MGAM: variants seen among roughly 807,000 people sequenced by gnomAD.
The protein encoded by MGAM is maltase-glucoamylase, also known as alpha-1,4-glucosidase.
In MGAM, 253 loss-of-function variants were observed where a neutral mutation model predicts 358.8. That is an observed-to-expected ratio of 0.71 (90% CI 0.64 to 0.78). The LOEUF (loss-of-function observed/expected upper bound fraction) is 0.78. Ranked by LOEUF, MGAM falls within the 30% of genes least tolerant of loss-of-function variation. The pLI is 0.00. For synonymous variants in MGAM, 1,105 were observed against 1,227.1 expected, an observed-to-expected ratio of 0.90 and a Z score of 2.08; for missense variants, 3,080 against 3,432.6, an observed-to-expected ratio of 0.90 and a Z score of 2.57.
In MGAM at chr7:142,022,386, G is replaced by A. The variant is rs782295291; in HGVS notation, c.829G>A (p.Asp277Asn). The A allele has an allele frequency of 6.2e-7, 1 of 1,613,608 alleles. No homozygotes were observed. Among genetic ancestry groups the A allele is most frequent in the Non-Finnish European group, 8.5e-7 (1 of 1,179,726 alleles). ...GEHVHQQYRH[D>N]MNWKTWPIFN... The stretch of plus-strand genomic sequence containing the variant: ...GCATGTGCACCAGCAGTATCGGCAT[G>A]ATATGAATTGGAAGACCTGGCCCAT... The change falls in exon 7 of 71, where the codon GAT becomes AAT. Residue 277 changes from aspartate to asparagine, a missense_variant. Asp to Asn is a conservative substitution (Grantham distance 23). This residue lies in a region of MGAM where 1,816 missense variants were observed against 1,840.5 expected (regional missense o/e 0.99). Transcript: ENST00000475668.
Position 142,064,515 on chromosome 7 carries a change from A to G in MGAM, c.4477A>G (p.Thr1493Ala). The G allele has an allele frequency of 6.4e-7, 1 of 1,573,504 alleles. No individual in the cohort carries two copies. The highest frequency in any genetic ancestry group is 1.9e-5 in the Admixed American group (1 of 53,718). Reference protein sequence around the residue: ...NLYGWSQTRPTYEAVQEVTGQ... With the variant: ...NLYGWSQTRPAYEAVQEVTGQ... ...GTATGGGTGGTCCCAGACCAGACCC[A>G]CATACGAGTGAGTCTCCGTCTCCCT... The change falls in exon 37 of 71, where the codon ACA (threonine) becomes GCA (alanine). Residue 1493 changes from threonine to alanine, a missense_variant. Physicochemically the swap from Thr to Ala is moderately conservative, Grantham distance 58. Coordinates refer to ENST00000475668, the MANE Select transcript of MGAM (RefSeq NM_001365693.1).
At chr7:142,062,952 A>G (rs1812364471) in intron 35 of MGAM, among the ~76,000 whole-genome samples, 1 of 152,182 alleles carries the variant, frequency 6.6e-6, no homozygotes, top group Non-Finnish European at 1.5e-5. Context: ...TAATCCCAGC[A>G]CTTTGGGAGG....
upstream of MGAM, among the ~76,000 whole-genome samples, chr7:141,993,396 C>T (rs1359971263): frequency 6.6e-6 from 1 of 152,192 alleles, no homozygotes; most frequent in African/African-American, 2.4e-5. Flanking sequence ...ATACAAGCTC[C>T]ATTTTTTAAT....
chr7:142,032,053 T>TA (rs1554464013), intron 13 of MGAM, among the ~76,000 whole-genome samples: 21 of 149,220 alleles, frequency 1.4e-4, no homozygotes, highest in African/African-American at 5.0e-4. Flanking sequence ...TTTTTTTTTT[T>TA]TACGAAGGAA....
Position 142,076,325 on chromosome 7 carries a change from A to G in MGAM, c.5325+73A>G, listed in dbSNP as rs1813728976. On this transcript the variant is annotated intron_variant, in intron 46 of 70. Transcript: ENST00000475668. ...CATTAGCACATCTGTGCTTGTGTATATGTGTGATTATATTTGTAACTTTAT... is the reference window on the plus strand; with the variant it reads ...CATTAGCACATCTGTGCTTGTGTATGTGTGTGATTATATTTGTAACTTTAT... 2.5e-5 allele frequency: 32 copies of G among 1,285,386 alleles called. 4 individuals carry two copies. The highest frequency in any genetic ancestry group is 3.0e-5 in the Non-Finnish European group (27 of 893,014). 79.6% of individuals were successfully genotyped at this position (1,285,386 alleles called of 1,614,324 possible).
In MGAM at chr7:142,045,185, AT is replaced by A. The variant is rs1563156589; in HGVS notation, c.2499-2599del. On this transcript the variant is annotated intron_variant, in intron 21 of 70. Transcript: ENST00000475668. ...ATAATATATATATTATATAACATAT[AT>A]GATATATAATATATATTATATAACA... is the stretch of plus-strand genomic sequence containing the variant. 5.4e-4 allele frequency among the ~76,000 whole-genome samples: 38 copies of A among 70,144 alleles called. 1 individual carries two copies. Among genetic ancestry groups the A allele is most frequent in the African/African-American group, 2.5e-3 (34 of 13,336 alleles). The allele number at this position is 70,144 out of a possible 152,430, so 46.0% of individuals were successfully genotyped here.
intron 40 of MGAM, 73 bp from the exon 41 acceptor site, chr7:142,066,500 G>A: frequency 6.8e-7 from 1 of 1,472,858 alleles, no homozygotes; most frequent in Non-Finnish European, 9.4e-7. Context: ...ATTGGAGTAT[G>A]CTTTTAGTGA....
chr7:142,033,021 A>G, intron 14 of MGAM, 112 bp downstream of exon 14: 1 of 613,146 alleles, frequency 1.6e-6, no homozygotes, highest in Non-Finnish European at 2.7e-6. Flanking sequence ...TTGTGCATAG[A>G]AAAAGAAATA....
In MGAM at chr7:142,031,687, C is replaced by A. The variant is rs1554463815; in HGVS notation, c.1478C>A (p.Pro493His). ...GVTPLIGEVW[P>H]GQTVFPDYTN... ...TTTCTTTTTCTCCTGAAGGTCTGGC[C>A]TGGACAAACTGTGTTTCCTGATTAT... is the stretch of plus-strand genomic sequence containing the variant. Residue 493 changes from proline (P) to histidine (H), a missense_variant, in exon 13 of 71, where the codon CCT becomes CAT. Pro to His is a moderately conservative substitution (Grantham distance 77, BLOSUM62 -2). Coordinates refer to ENST00000475668, the MANE Select transcript of MGAM (RefSeq NM_001365693.1). The A allele has an allele frequency of 6.2e-7, 1 of 1,609,584 alleles. No individual in the cohort carries two copies. Among genetic ancestry groups the A allele is most frequent in the African/African-American group, 1.3e-5 (1 of 74,732 alleles).
chr7:142,049,182 G>A (rs1810698681), intron 22 of MGAM, among the ~76,000 whole-genome samples: 1 of 152,052 alleles, frequency 6.6e-6, no homozygotes, highest in African/African-American at 2.4e-5. Context: ...GTTGCAAATG[G>A]CAGAATTTTC....
In MGAM at chr7:142,030,685, C is replaced by G; in HGVS notation, c.1398C>G (p.Gly466=). ...ACTCTTCCTCAAGTAAACCCTATGG[C>G]CCATATGACAGGGGTTCAGATATGA... is the stretch of plus-strand genomic sequence containing the variant. The part of the protein sequence containing the change: ...SNNSSSSKPY[G]PYDRGSDMKI... Residue 466 remains glycine, a synonymous_variant, in exon 12 of 71, where the codon GGC becomes GGG. Coordinates refer to ENST00000475668, the MANE Select transcript of MGAM (RefSeq NM_001365693.1). 1 of 1,613,130 alleles carries G rather than the reference C, an allele frequency of 6.2e-7. No individual in the cohort carries two copies. The highest frequency in any genetic ancestry group is 1.3e-5 in the African/African-American group (1 of 74,926).
intron 53 of MGAM, among the ~76,000 whole-genome samples, chr7:142,083,814 A>T (rs1218182662): frequency 7.2e-6 from 1 of 138,442 alleles, no homozygotes; most frequent in Non-Finnish European, 1.6e-5. Context: ...TGTTGATGGG[A>T]GTGTTGGTGA....
At chr7:142,028,420 G>A (rs1465862654) in intron 10 of MGAM, among the ~76,000 whole-genome samples, 2 of 152,112 alleles carry the variant, frequency 1.3e-5, no homozygotes, top group African/African-American at 4.8e-5. Context: ...GAACAACCAT[G>A]AGCCATCTGG....
At chr7:142,031,827 A>G (rs1554463904) in intron 13 of MGAM, 34 bp downstream of exon 13, 10 of 1,400,074 alleles carry the variant, frequency 7.1e-6, no homozygotes, top group South Asian at 1.2e-5. Context: ...TTAGGTGACA[A>G]ATATTCAAAT....
chr7:142,087,442 A>G (rs117362939), intron 57 of MGAM, among the ~76,000 whole-genome samples: 2,732 of 146,204 alleles, frequency 0.019, 398 homozygotes, highest in Non-Finnish European at 0.028. Context: ...TCTGGCCAAG[A>G]TGTGTGTCTC....
chr7:142,085,357 C>G lies in MGAM; in HGVS notation c.6508-476C>G, dbSNP rs912983804. Reference sequence around the variant, plus strand: ...CAGAAGAATGTAGTGTCTGATTTCCCTCAAGATTGGGTATTCCAAAGCAAC... The same window carrying G: ...CAGAAGAATGTAGTGTCTGATTTCCGTCAAGATTGGGTATTCCAAAGCAAC... On this transcript the variant is annotated intron_variant, in intron 54 of 70. Transcript: ENST00000475668. Among the ~76,000 whole-genome samples the G allele has an allele frequency of 4.1e-5, 6 of 146,518 alleles. 1 individual carries two copies. The highest frequency in any genetic ancestry group is 2.7e-4 in the Admixed American group (4 of 14,622).
At chr7:142,049,592 A>G (rs1678391470) in intron 22 of MGAM, among the ~76,000 whole-genome samples, 1 of 152,184 alleles carries the variant, frequency 6.6e-6, no homozygotes, top group Non-Finnish European at 1.5e-5. Context: ...AACTCATGCA[A>G]CTCAGTAGCA....
At chr7:142,062,120 C>T (rs1241231302) in intron 34 of MGAM, among the ~76,000 whole-genome samples, 1 of 152,154 alleles carries the variant, frequency 6.6e-6, no homozygotes, top group Non-Finnish European at 1.5e-5. Context: ...GAAATGTAAT[C>T]TTATTCCTTC....
At chr7:142,051,173 A>T (rs1188876629) in intron 24 of MGAM, among the ~76,000 whole-genome samples, 2 of 152,190 alleles carry the variant, frequency 1.3e-5, no homozygotes, top group Non-Finnish European at 2.9e-5. Context: ...GAATAGCCTG[A>T]CATTATTAGA....
Sources: gnomAD v4.1 joint callset for allele counts (sites outside exome capture counted in the v4.1 genomes callset) on GRCh38, gnomAD v4.1.1 for gene constraint, gnomAD v4.1.1 regional missense constraint, MANE v1.5 for transcripts, NCBI Gene and HGNC (gene_info 2026-07-23, HGNC 2026-07-21) for gene names.